Variants in LUZP2 observed in about 807,000 individuals in gnomAD.
LUZP2 encodes leucine zipper protein 2.
In LUZP2, 52 loss-of-function variants were observed where a neutral mutation model predicts 51.6. The ratio of observed to expected loss-of-function variants is 1.01; its 90% CI spans 0.81 to 1.27. The LOEUF is 1.27. LUZP2 is among the 50% of genes most tolerant of loss of function. LUZP2 has a pLI of 0.00. For missense variants in LUZP2, 436 were observed against 395.4 expected (o/e 1.10, Z -0.87); for synonymous variants, 154 against 137.3 (o/e 1.12, Z -0.85).
At chr11:24,981,136 C>A (rs1425140697) in intron 8 of LUZP2, among the ~76,000 whole-genome samples, 2 of 151,718 alleles carry the variant, frequency 1.3e-5, no homozygotes, top group African/African-American at 4.8e-5. Context: ...GTAATGCCAT[C>A]GTGGTGTAAA....
chr11:24,594,750 C>CTTTT (rs61196514), intron 1 of LUZP2, among the ~76,000 whole-genome samples: 3 of 78,580 alleles, frequency 3.8e-5, no homozygotes, highest in East Asian at 6.0e-4. Flanking sequence ...GTTTGGGACA[C>CTTTT]TTTTTTTTTT....
intron 1 of LUZP2, among the ~76,000 whole-genome samples, chr11:24,690,488 A>T (rs996410177): frequency 6.6e-6 from 1 of 152,126 alleles, no homozygotes; most frequent in Non-Finnish European, 1.5e-5. Flanking sequence ...ATGTGTTCAC[A>T]TGTTCTTGGA....
chr11:24,741,940 TATATACATTTATATATTATATATA>T lies in LUZP2; in HGVS notation c.333+3640_333+3663del, dbSNP rs1565110972. 4.6e-4 allele frequency among the ~76,000 whole-genome samples: 60 copies of T among 131,404 alleles called. No homozygotes were observed. The East Asian group carries it at 0.012, about 26-fold the overall frequency. The allele number at this position is 131,404 out of a possible 152,430, so 86.2% of individuals were successfully genotyped here. On this transcript the variant is annotated intron_variant, in intron 4 of 11. Transcript: ENST00000336930. ...TATACATTTATATATTATATATAAA[TATATACATTTATATATTATATATA>T]AATATATACATTTATATATTATATA...
chr11:24,699,998 G>T (rs1283359527), intron 1 of LUZP2, among the ~76,000 whole-genome samples: 1 of 148,834 alleles, frequency 6.7e-6, no homozygotes, highest in African/African-American at 2.5e-5. Flanking sequence ...ATTTGTACTT[G>T]TCACTCCCTC....
intron 5 of LUZP2, among the ~76,000 whole-genome samples, chr11:24,876,339 A>C (rs1206536222): frequency 6.7e-6 from 1 of 149,886 alleles, no homozygotes. Flanking sequence ...TCCCAGCACC[A>C]TTTATTAAAT....
At chr11:24,781,830 T>C (rs1253939852) in intron 5 of LUZP2, among the ~76,000 whole-genome samples, 2 of 152,032 alleles carry the variant, frequency 1.3e-5, no homozygotes, top group African/African-American at 2.4e-5. Context: ...AAAAATTAGA[T>C]GTCCTCCCCC....
chr11:24,928,004 A>G (rs1854330468), intron 7 of LUZP2, among the ~76,000 whole-genome samples: 1 of 150,334 alleles, frequency 6.7e-6, no homozygotes, highest in Non-Finnish European at 1.5e-5. Context: ...CAGCTATTGT[A>G]AAAAAAAAGT....
At chr11:24,776,936 A>G (rs929582417) in intron 5 of LUZP2, among the ~76,000 whole-genome samples, 1 of 151,612 alleles carries the variant, frequency 6.6e-6, no homozygotes, top group Admixed American at 6.6e-5. Flanking sequence ...GATGGTGCCT[A>G]TACAGCCTTC....
intron 7 of LUZP2, among the ~76,000 whole-genome samples, chr11:24,959,925 A>G (rs1167925904): frequency 2.6e-5 from 4 of 152,168 alleles, no homozygotes; most frequent in African/African-American, 7.2e-5. Context: ...GATACGTCCC[A>G]TCAATACCTA....
intron 1 of LUZP2, among the ~76,000 whole-genome samples, chr11:24,655,933 T>G (rs1401725587): frequency 6.6e-6 from 1 of 152,214 alleles, no homozygotes; most frequent in Non-Finnish European, 1.5e-5. Flanking sequence ...TCATTAAAGA[T>G]TATCCTTGTT....
At chr11:24,906,950 T>A (rs575476491) in intron 6 of LUZP2, among the ~76,000 whole-genome samples, 1 of 152,190 alleles carries the variant, frequency 6.6e-6, no homozygotes, top group African/African-American at 2.4e-5. Flanking sequence ...GTCTCAGAGT[T>A]GTCTAGAAGT....
At chr11:25,002,111 G>T (rs551414060) in intron 9 of LUZP2, among the ~76,000 whole-genome samples, 1 of 152,196 alleles carries the variant, frequency 6.6e-6, no homozygotes, top group Non-Finnish European at 1.5e-5. Context: ...CTTTCTATCT[G>T]TATACACATT....
intron 1 of LUZP2, among the ~76,000 whole-genome samples, chr11:24,549,160 TC>T (rs1317169317): frequency 6.6e-6 from 1 of 152,090 alleles, no homozygotes; most frequent in Non-Finnish European, 1.5e-5. Flanking sequence ...ATTTTTTATA[TC>T]CCTTATTTTA....
chr11:24,781,286 A>G lies in LUZP2; in HGVS notation c.396+17978A>G, dbSNP rs190954176. Reference sequence around the variant, plus strand: ...TTTCAACCATCAGCTGAAACATTTCACCTTTTGTCCCCTTTTTCCTCCTCC... The same window carrying G: ...TTTCAACCATCAGCTGAAACATTTCGCCTTTTGTCCCCTTTTTCCTCCTCC... On this transcript the variant is annotated intron_variant, in intron 5 of 11. Coordinates refer to ENST00000336930, the MANE Select transcript of LUZP2 (RefSeq NM_001009909.4). Among the ~76,000 whole-genome samples, 9 of 152,174 alleles carry G rather than the reference A, an allele frequency of 5.9e-5. No homozygotes were observed. In the East Asian group the frequency reaches 1.5e-3, roughly 26 times the overall value.
chr11:24,580,493 C>G (rs926624480), intron 1 of LUZP2, among the ~76,000 whole-genome samples: 5 of 151,992 alleles, frequency 3.3e-5, no homozygotes, highest in Admixed American at 6.6e-5. Context: ...CCTAGCATAG[C>G]GTCAACCTAA....
At chr11:25,012,787 G>T (rs532684576) in intron 9 of LUZP2, among the ~76,000 whole-genome samples, 1 of 152,070 alleles carries the variant, frequency 6.6e-6, no homozygotes, top group Non-Finnish European at 1.5e-5. Context: ...ATGTGAACTC[G>T]TACATCCACT....
intron 7 of LUZP2, among the ~76,000 whole-genome samples, chr11:24,925,299 T>G (rs1220959050): frequency 2.0e-5 from 3 of 152,242 alleles, no homozygotes; most frequent in South Asian, 2.1e-4. Flanking sequence ...CTTCTCATCT[T>G]GGCCTGAACT....
intron 9 of LUZP2, among the ~76,000 whole-genome samples, chr11:25,041,690 C>T (rs187315433): frequency 6.6e-6 from 1 of 152,064 alleles, no homozygotes; most frequent in African/African-American, 2.4e-5. Context: ...CCTTGTGGGT[C>T]GAGGATCAAA....
rs142216086 is a variant in LUZP2 at position 25,056,463 on chromosome 11, A to C, written c.858+6333A>C. On this transcript the variant is annotated intron_variant, in intron 10 of 11. Transcript: ENST00000336930. The stretch of plus-strand genomic sequence containing the variant: ...GCAGTCTCTCAGTAAATAGATAAGA[A>C]AGATTATGCATTTTGATTCCTGTTG... Among the ~76,000 whole-genome samples the C allele has an allele frequency of 1.4e-3, 213 of 152,220 alleles. 2 individuals carry two copies. Among genetic ancestry groups the C allele is most frequent in the African/African-American group, 4.5e-3 (186 of 41,554 alleles).
Sources: allele counts gnomAD v4.1 joint callset (sites outside exome capture counted in the v4.1 genomes callset), GRCh38; gene constraint gnomAD v4.1.1; transcripts MANE v1.5; gene names NCBI Gene and HGNC (gene_info 2026-07-23, HGNC 2026-07-21).